The following ROBO2 variants were observed in gnomAD, a reference collection of about 807,000 sequenced individuals.
ROBO2 encodes the protein roundabout guidance receptor 2.
ROBO2 carries 53 observed loss-of-function variants against 160.8 expected under a neutral mutation model. The ratio of observed to expected loss-of-function variants is 0.33; its 90% CI spans 0.26 to 0.41. ROBO2 has a LOEUF of 0.41. Ranked by LOEUF, ROBO2 falls within the 10% of genes least tolerant of loss-of-function variation. The pLI, the probability that ROBO2 is intolerant of heterozygous loss-of-function variation, is 1.00. For missense variants in ROBO2, 1,577 were observed against 1,722.4 expected (o/e 0.92, Z 1.49); for synonymous variants, 664 against 611.7 (o/e 1.09, Z -1.26).
At chr3:76,595,185 A>G (rs920258890) in intron 2 of ROBO2, among the ~76,000 whole-genome samples, 8 of 152,044 alleles carry the variant, frequency 5.3e-5, no homozygotes, top group African/African-American at 1.2e-4. Flanking sequence ...TTAAGTCATA[A>G]TATCTGTGGT....
chr3:77,491,838 T>C (rs2086155937), intron 4 of ROBO2, among the ~76,000 whole-genome samples: 1 of 152,206 alleles, frequency 6.6e-6, no homozygotes, highest in Non-Finnish European at 1.5e-5. Context: ...TTTTGATCCC[T>C]ACTGTCAAAT....
At chr3:77,151,444 T>C (rs1207143318) in intron 2 of ROBO2, among the ~76,000 whole-genome samples, 2 of 152,150 alleles carry the variant, frequency 1.3e-5, no homozygotes, top group African/African-American at 2.4e-5. Context: ...TTTTCTCCTG[T>C]ATTTTTGGCC....
intron 2 of ROBO2, among the ~76,000 whole-genome samples, chr3:77,161,982 G>A (rs556202846): frequency 9.9e-5 from 15 of 152,120 alleles, no homozygotes; most frequent in South Asian, 2.1e-4. Context: ...AAATTCAGCC[G>A]TACCAGTAAT....
intron 2 of ROBO2, among the ~76,000 whole-genome samples, chr3:77,146,858 C>T (rs1466769442): frequency 2.0e-5 from 3 of 152,118 alleles, no homozygotes; most frequent in African/African-American, 7.2e-5. Context: ...GTCCCAGCTA[C>T]TCAGAGATTG....
chr3:76,297,668 AG>A (rs1162917698), intron 2 of ROBO2, among the ~76,000 whole-genome samples: 1 of 151,120 alleles, frequency 6.6e-6, no homozygotes, highest in Non-Finnish European at 1.5e-5. Context: ...GAAAAAAAAA[AG>A]ATCAAAGTAC....
chr3:77,186,533 T>C lies in ROBO2; in HGVS notation c.388+88193T>C, dbSNP rs1052887171. On this transcript the variant is annotated intron_variant, in intron 2 of 25. Transcript: ENST00000461745. ...GCTAGTCAGTGAAGCAGTACTTTAG[T>C]CAAATGCAAAAGAGATTATACGGAG... is the stretch of plus-strand genomic sequence containing the variant. 3.3e-5 allele frequency among the ~76,000 whole-genome samples: 5 copies of C among 151,858 alleles called. No individual in the cohort carries two copies. In the South Asian group the frequency reaches 8.3e-4, roughly 25 times the overall value.
chr3:76,135,429 G>T (rs1379082881), intron 2 of ROBO2, among the ~76,000 whole-genome samples: 1 of 152,084 alleles, frequency 6.6e-6, no homozygotes, highest in Non-Finnish European at 1.5e-5. Flanking sequence ...TGATATTTAT[G>T]TAGGTAGAAC....
At chr3:76,666,723 GA>G (rs138040050) in intron 2 of ROBO2, among the ~76,000 whole-genome samples, 11,220 of 151,096 alleles carry the variant, frequency 0.074, 436 homozygotes, top group Non-Finnish European at 0.095. Context: ...ATTTTTCACT[GA>G]AAAAAAAGTA....
chr3:76,171,860 CAGAA>C (rs2073052558), intron 2 of ROBO2, among the ~76,000 whole-genome samples: 1 of 151,916 alleles, frequency 6.6e-6, no homozygotes, highest in Non-Finnish European at 1.5e-5. Flanking sequence ...TTTTAGAATC[CAGAA>C]AGTGAGGTGT....
At chr3:76,429,544 A>C (rs1462604993) in intron 2 of ROBO2, among the ~76,000 whole-genome samples, 1 of 152,218 alleles carries the variant, frequency 6.6e-6, no homozygotes, top group Non-Finnish European at 1.5e-5. Flanking sequence ...ATACATCAGA[A>C]AAATGTATGT....
At position 77,617,573 on chromosome 3, in the gene ROBO2, G is replaced by A. The variant is rs569739377; in HGVS notation, c.3354G>A (p.Leu1118=). Reference sequence around the variant, plus strand: ...TACAAACTTACTTACACCAAGGTCTGGAAGATGAACTGGAAGAAGATGATG... The same window carrying A: ...TACAAACTTACTTACACCAAGGTCTAGAAGATGAACTGGAAGAAGATGATG... Residue 1118 remains leucine (L), a synonymous_variant, in exon 22 of 26, where the codon CTG becomes CTA. Coordinates refer to ENST00000461745, the Ensembl canonical transcript of ROBO2. 3.8e-4 allele frequency: 618 copies of A among 1,614,158 alleles called. 6 individuals carry two copies. In the South Asian group the frequency reaches 6.6e-3, roughly 17 times the overall value.
chr3:76,383,693 T>G (rs1380795368), intron 2 of ROBO2, among the ~76,000 whole-genome samples: 1 of 151,970 alleles, frequency 6.6e-6, no homozygotes, highest in Non-Finnish European at 1.5e-5. Flanking sequence ...TCAGATAACT[T>G]TATGGTGGTC....
chr3:77,475,349 T>TAAA (rs1212239766), intron 2 of ROBO2, among the ~76,000 whole-genome samples: 1 of 152,200 alleles, frequency 6.6e-6, no homozygotes, highest in African/African-American at 2.4e-5. Flanking sequence ...GCACATGTTT[T>TAAA]ATTGTTGAAG....
Position 75,908,152 on chromosome 3 carries a change from A to G in ROBO2, c.-14+1192A>G, listed in dbSNP as rs146767038. Among the ~76,000 whole-genome samples the G allele has an allele frequency of 4.6e-3, 706 of 152,318 alleles. 8 individuals carry two copies. The highest frequency in any genetic ancestry group is 0.017 in the African/African-American group (688 of 41,572). Reference sequence around the variant, plus strand: ...AGGTAAGTATACAAACGATAAGTTTAGGAAATAAATGTCAGAATCAAAATT... The same window carrying G: ...AGGTAAGTATACAAACGATAAGTTTGGGAAATAAATGTCAGAATCAAAATT... On this transcript the variant is annotated intron_variant, in intron 1 of 26. Transcript: ENST00000487694.
chr3:77,486,346 C>T (rs750354252), intron 4 of ROBO2, among the ~76,000 whole-genome samples: 27 of 152,168 alleles, frequency 1.8e-4, no homozygotes, highest in Admixed American at 7.2e-4. Context: ...ACCACACTGT[C>T]TTCCACAACA....
chr3:76,454,621 G>C (rs917139995), intron 2 of ROBO2, among the ~76,000 whole-genome samples: 2 of 152,096 alleles, frequency 1.3e-5, no homozygotes. Flanking sequence ...TGTAAAATGA[G>C]ATTACTTTTC....
intron 2 of ROBO2, among the ~76,000 whole-genome samples, chr3:76,509,629 G>A (rs765269706): frequency 3.9e-5 from 6 of 152,140 alleles, no homozygotes; most frequent in Non-Finnish European, 7.3e-5. Flanking sequence ...TTGAGGCAAC[G>A]CTTTCCAACA....
intron 2 of ROBO2, among the ~76,000 whole-genome samples, chr3:76,449,051 A>AT (rs1288967826): frequency 6.6e-6 from 1 of 152,124 alleles, no homozygotes; most frequent in African/African-American, 2.4e-5. Context: ...TTTTTGAATG[A>AT]TTTTTCATTC....
chr3:77,545,279 C>T (rs575563916), intron 6 of ROBO2, among the ~76,000 whole-genome samples: 3 of 152,242 alleles, frequency 2.0e-5, no homozygotes, highest in South Asian at 2.1e-4. Flanking sequence ...GACCCTCCAT[C>T]CTGCCAAATT....
Sources: allele counts gnomAD v4.1 joint callset (sites outside exome capture counted in the v4.1 genomes callset), GRCh38; gene constraint gnomAD v4.1.1; transcripts MANE v1.5; gene names NCBI Gene and HGNC (gene_info 2026-07-23, HGNC 2026-07-21).